Variants in VPS53 observed in about 807,000 individuals in gnomAD.
VPS53 encodes vacuolar protein sorting-associated protein 53 homolog.
In VPS53, 70 loss-of-function variants were observed where a neutral mutation model predicts 107.0. The ratio of observed to expected loss-of-function variants is 0.65; its 90% CI spans 0.54 to 0.80. The LOEUF (loss-of-function observed/expected upper bound fraction) is 0.80. Among genes scored for constraint, VPS53 ranks in the 30% least tolerant of loss-of-function variants. VPS53 has a pLI of 0.00. For synonymous variants in VPS53, 409 were observed against 393.3 expected (o/e 1.04, Z -0.47); for missense variants, 917 against 1,049.4 (o/e 0.87, Z 1.74).
intron 12 of VPS53, among the ~76,000 whole-genome samples, chr17:598,628 T>C (rs1480029503): frequency 7.0e-6 from 1 of 143,246 alleles, no homozygotes; most frequent in Non-Finnish European, 1.5e-5. Context: ...GTCTGGGATG[T>C]GAGGAGCACC....
chr17:607,445 G>C (rs1041451380), intron 11 of VPS53, among the ~76,000 whole-genome samples: 3 of 152,212 alleles, frequency 2.0e-5, no homozygotes, highest in Non-Finnish European at 4.4e-5. Context: ...CCGCTAGTTA[G>C]AGGGCTACAT....
chr17:589,634 A>G (rs879831569), intron 12 of VPS53, among the ~76,000 whole-genome samples: 20 of 152,218 alleles, frequency 1.3e-4, no homozygotes, highest in Non-Finnish European at 2.6e-4. Flanking sequence ...AGTAAAGGAT[A>G]ACGTCAGAAA....
At chr17:625,252 A>G (rs1350000700) in intron 10 of VPS53, among the ~76,000 whole-genome samples, 5 of 151,826 alleles carry the variant, frequency 3.3e-5, no homozygotes, top group Non-Finnish European at 7.4e-5. Context: ...GCCTCCTGAA[A>G]TGCTAGGATT....
intron 8 of VPS53, 86 bp from the exon 9 acceptor site, chr17:628,317 A>G: frequency 6.7e-7 from 1 of 1,502,810 alleles, no homozygotes; most frequent in Admixed American, 2.0e-5. Context: ...TGTTATCTCT[A>G]CGCATTGTCA....
At chr17:570,425 C>T (rs1476515450) in intron 13 of VPS53, among the ~76,000 whole-genome samples, 2 of 146,916 alleles carry the variant, frequency 1.4e-5, no homozygotes, top group African/African-American at 5.0e-5. Context: ...TTGGGATAAA[C>T]TGGCATTCTG....
chr17:620,717 C>T (rs1969434017), intron 11 of VPS53, among the ~76,000 whole-genome samples: 1 of 149,806 alleles, frequency 6.7e-6, no homozygotes, highest in African/African-American at 2.5e-5. Flanking sequence ...CACTCTGTCG[C>T]CCAGGCTGGA....
chr17:560,599 C>A, intron 14 of VPS53, 26 bp from the exon 15 acceptor site: 2 of 1,602,632 alleles, frequency 1.2e-6, no homozygotes, highest in East Asian at 2.2e-5. Flanking sequence ...AGGAACAAGT[C>A]AGCATGGAAT....
intron 4 of VPS53, among the ~76,000 whole-genome samples, chr17:672,109 G>GACAGACACACAC (rs1491463611): frequency 9.2e-6 from 1 of 108,824 alleles, no homozygotes; most frequent in African/African-American, 3.4e-5. Flanking sequence ...TGATGAGGGT[G>GACAGACACACAC]ACACACACAC....
At position 519,238 on chromosome 17, in the gene VPS53, G is replaced by A; in HGVS notation, c.2389C>T (p.Pro797Ser). Reference protein sequence around the residue: ...LELLRQRLPAPPSGAESSGSL... With the variant: ...LELLRQRLPASPSGAESSGSL... Reference sequence around the variant, plus strand: ...CCGGAGCTTTCTGCCCCCGAGGGCGGTGCGGGGAGCCGCTGGCGCAGGAGT... The same window carrying A: ...CCGGAGCTTTCTGCCCCCGAGGGCGATGCGGGGAGCCGCTGGCGCAGGAGT... The change falls in exon 22 of 22, where the codon CCG becomes TCG. Residue 797 changes from proline (P) to serine (S), a missense_variant. Transcript: ENST00000437048. The surrounding 1 kb of genome is among the most constrained non-coding windows in gnomAD (Gnocchi z 5.0). The A allele has an allele frequency of 1.9e-6, 3 of 1,546,814 alleles. No individual in the cohort carries two copies. The highest frequency in any genetic ancestry group is 2.4e-5 in the South Asian group (2 of 83,540).
intron 4 of VPS53, among the ~76,000 whole-genome samples, chr17:689,464 A>ATTTTTTT (rs1184638230): frequency 9.0e-6 from 1 of 111,636 alleles, no homozygotes; most frequent in Non-Finnish European, 1.7e-5. Flanking sequence ...TGCTGGACTA[A>ATTTTTTT]TTTTTTTTTT....
chr17:695,880 T>C (rs1436521436), intron 4 of VPS53, among the ~76,000 whole-genome samples: 2 of 152,160 alleles, frequency 1.3e-5, no homozygotes, highest in Non-Finnish European at 1.5e-5. Flanking sequence ...CCAGAGCTGA[T>C]ACGGTGTCTG....
At chr17:527,181 T>A (rs1909182771) in intron 19 of VPS53, among the ~76,000 whole-genome samples, 3 of 152,250 alleles carry the variant, frequency 2.0e-5, no homozygotes, top group South Asian at 4.1e-4. Context: ...GCCTTCCTCA[T>A]GCTCTCGTCC....
intron 13 of VPS53, among the ~76,000 whole-genome samples, chr17:567,065 C>A (rs1913593717): frequency 6.6e-6 from 1 of 151,986 alleles, no homozygotes; most frequent in Non-Finnish European, 1.5e-5. Context: ...TGCTTCCAGG[C>A]GTGAGCCAAC....
intron 13 of VPS53, among the ~76,000 whole-genome samples, chr17:571,487 T>TTCTCCC (rs749005826): frequency 0.029 from 3,482 of 119,812 alleles, 91 homozygotes; most frequent in Non-Finnish European, 0.043. Flanking sequence ...CTCCCTCTCC[T>TTCTCCC]TCTCCCTCTC....
At position 553,414 on chromosome 17, in the gene VPS53, T is replaced by C. The variant is rs751661282; in HGVS notation, c.1753A>G (p.Ile585Val). ...EKVDVSLIER[I>V]NLTGEMDTFS... ...GTGTCCATCTCTCCAGTCAGATTGA[T>C]TCGTTCAATCAGACTTACATCCACT... is the stretch of plus-strand genomic sequence containing the variant. Residue 585 changes from isoleucine (I) to valine (V), a missense_variant, in exon 16 of 22, where the codon ATC becomes GTC. By Grantham distance (29) the Ile-to-Val change is conservative (BLOSUM62 3). Coordinates refer to ENST00000437048, the MANE Select transcript of VPS53 (RefSeq NM_001128159.3). The C allele has an allele frequency of 2.4e-5, 38 of 1,613,998 alleles. No individual in the cohort carries two copies. The highest frequency in any genetic ancestry group is 3.1e-5 in the Non-Finnish European group (36 of 1,180,042).
At chr17:643,686 C>T (rs1274881320) in intron 7 of VPS53, among the ~76,000 whole-genome samples, 1 of 151,466 alleles carries the variant, frequency 6.6e-6, no homozygotes, top group Non-Finnish European at 1.5e-5. Flanking sequence ...GCGAGGACAA[C>T]ACTCATACTT....
chr17:677,718 T>C (rs2143759679), intron 4 of VPS53, among the ~76,000 whole-genome samples: 1 of 152,268 alleles, frequency 6.6e-6, no homozygotes, highest in South Asian at 2.1e-4. Context: ...AGCTCACTAA[T>C]GCTGTTAAAA....
intron 7 of VPS53, among the ~76,000 whole-genome samples, chr17:647,134 C>A (rs1411847899): frequency 6.6e-6 from 1 of 152,226 alleles, no homozygotes; most frequent in African/African-American, 2.4e-5. Flanking sequence ...CCTTCTTTCC[C>A]CCATTACTGT....
At chr17:549,390 C>T (rs979376152) in intron 17 of VPS53, among the ~76,000 whole-genome samples, 2 of 152,024 alleles carry the variant, frequency 1.3e-5, no homozygotes, top group African/African-American at 2.4e-5. Context: ...GCTGCGTTCC[C>T]AAGTCTGTGG....
Sources: allele counts gnomAD v4.1 joint callset (sites outside exome capture counted in the v4.1 genomes callset), GRCh38; gene constraint gnomAD v4.1.1; non-coding constraint Gnocchi (gnomAD v3.1); transcripts MANE v1.5; gene names NCBI Gene and HGNC (gene_info 2026-07-23, HGNC 2026-07-21).